Variants in MYO3B observed in about 807,000 individuals in gnomAD.
MYO3B encodes the protein myosin IIIB.
MYO3B carries 156 observed loss-of-function variants against 174.6 expected under a neutral mutation model. The ratio of observed to expected loss-of-function variants is 0.89; its 90% CI spans 0.78 to 1.02. The LOEUF (loss-of-function observed/expected upper bound fraction) is 1.02, where lower values mean the gene tolerates loss of function less well. MYO3B is among the 50% of genes least tolerant of loss of function. The probability of loss-of-function intolerance (pLI) is 0.00; values close to 1 mark genes in which losing one functional copy is unlikely to be tolerated. For synonymous variants in MYO3B, 563 were observed against 569.1 expected (o/e 0.99, Z 0.15); for missense variants, 1,632 against 1,639.4 (o/e 1.00, Z 0.08).
intron 7 of MYO3B, among the ~76,000 whole-genome samples, chr2:170,288,087 A>G (rs898363064): frequency 2.6e-5 from 4 of 151,950 alleles, no homozygotes; most frequent in African/African-American, 9.7e-5. Context: ...CTATGTGTCC[A>G]TTTTTATGCC....
intron 32 of MYO3B, among the ~76,000 whole-genome samples, chr2:170,547,418 A>G (rs1401011192): frequency 6.6e-6 from 1 of 152,160 alleles, no homozygotes; most frequent in Non-Finnish European, 1.5e-5. Flanking sequence ...ATACCCGGGA[A>G]GTGCATAATT....
At chr2:170,563,518 T>C (rs1414763150) in intron 32 of MYO3B, among the ~76,000 whole-genome samples, 4 of 152,224 alleles carry the variant, frequency 2.6e-5, no homozygotes, top group Non-Finnish European at 5.9e-5. Flanking sequence ...TCTGATTTCC[T>C]GATAGGGCTC....
intron 22 of MYO3B, among the ~76,000 whole-genome samples, chr2:170,412,799 T>C (rs1029925588): frequency 3.9e-5 from 6 of 152,164 alleles, no homozygotes; most frequent in Non-Finnish European, 8.8e-5. Context: ...ATTGACAAAA[T>C]TTCAGGGCCA....
intron 32 of MYO3B, chr2:170,646,988 C>T: frequency 3.4e-6 from 4 of 1,179,362 alleles, no homozygotes; most frequent in Non-Finnish European, 4.6e-6. Flanking sequence ...TTCCTTTCAT[C>T]TTAGTTTTGT....
At chr2:170,433,918 C>A (rs2094730603) in intron 22 of MYO3B, among the ~76,000 whole-genome samples, 1 of 152,180 alleles carries the variant, frequency 6.6e-6, no homozygotes. Context: ...TAGGTCATGT[C>A]CAAGTGGGCT....
At chr2:170,545,812 T>G (rs1271341422) in intron 32 of MYO3B, among the ~76,000 whole-genome samples, 1 of 152,208 alleles carries the variant, frequency 6.6e-6, no homozygotes, top group Admixed American at 6.5e-5. Flanking sequence ...AACAGCATCC[T>G]AAGTATTTTT....
intron 7 of MYO3B, among the ~76,000 whole-genome samples, chr2:170,268,667 GA>G (rs2093402481): frequency 1.3e-5 from 2 of 151,922 alleles, no homozygotes; most frequent in Admixed American, 1.3e-4. Context: ...TGTCTAGTTG[GA>G]AAAACACATA....
chr2:170,284,744 T>A (rs2093541315), intron 7 of MYO3B, among the ~76,000 whole-genome samples: 2 of 152,182 alleles, frequency 1.3e-5, no homozygotes, highest in African/African-American at 4.8e-5. Flanking sequence ...ATTTGCACAT[T>A]TGCTTAAATT....
At chr2:170,537,052 T>C (rs1053772427) in intron 30 of MYO3B, among the ~76,000 whole-genome samples, 4 of 151,862 alleles carry the variant, frequency 2.6e-5, no homozygotes, top group African/African-American at 9.7e-5. Context: ...ATACAAAAAA[T>C]TAGCCGGGCG....
intron 7 of MYO3B, among the ~76,000 whole-genome samples, chr2:170,269,058 A>C (rs1559347981): frequency 6.6e-6 from 1 of 152,164 alleles, no homozygotes; most frequent in Non-Finnish European, 1.5e-5. Flanking sequence ...GTTCTGCCCG[A>C]GTGACGGTAA....
intron 7 of MYO3B, among the ~76,000 whole-genome samples, chr2:170,308,127 A>ACTGAT (rs2093713130): frequency 6.6e-6 from 1 of 152,234 alleles, no homozygotes; most frequent in Non-Finnish European, 1.5e-5. Context: ...ATTTGAATGT[A>ACTGAT]CTGATCTATT....
At chr2:170,622,823 T>A (rs1402129095) in intron 32 of MYO3B, among the ~76,000 whole-genome samples, 1 of 146,940 alleles carries the variant, frequency 6.8e-6, no homozygotes, top group Non-Finnish European at 1.5e-5. Context: ...ACATGCGGTG[T>A]TTGGTTTTTT....
intron 23 of MYO3B, among the ~76,000 whole-genome samples, chr2:170,448,141 C>A (rs1052471141): frequency 6.6e-6 from 1 of 152,138 alleles, no homozygotes; most frequent in Admixed American, 6.5e-5. Context: ...CAAAGGCAGT[C>A]TAGTCCCCAG....
In MYO3B at chr2:170,653,751, T is replaced by G. The variant is rs1699144036; in HGVS notation, c.*630T>G. 1 of 152,218 alleles carries G rather than the reference T, an allele frequency of 6.6e-6. No individual in the cohort carries two copies. The highest frequency in any genetic ancestry group is 1.5e-5 in the Non-Finnish European group (1 of 68,050). 9.4% of individuals were successfully genotyped at this position (152,218 alleles called of 1,614,324 possible). A position where few individuals can be genotyped will look rare whatever the true frequency, so the allele number is the denominator to read the frequency against. On this transcript the variant is annotated 3_prime_UTR_variant, in exon 35 of 35. Coordinates refer to ENST00000408978, the MANE Select transcript of MYO3B (RefSeq NM_138995.5). ...GGCAAATAACCCCTCTCTTGTTAAT[T>G]ATGATGCTGAGAAAGCCTCTGTCTC...
chr2:170,562,731 A>C (rs1396595960), intron 32 of MYO3B, among the ~76,000 whole-genome samples: 1 of 152,208 alleles, frequency 6.6e-6, no homozygotes, highest in East Asian at 1.9e-4. Context: ...TGTCCATTTA[A>C]GAAAGTATTT....
chr2:170,355,917 A>C (rs937167013), intron 8 of MYO3B, among the ~76,000 whole-genome samples: 1 of 151,794 alleles, frequency 6.6e-6, no homozygotes, highest in African/African-American at 2.4e-5. Flanking sequence ...TTACTAGATG[A>C]TGTAAGGCAT....
chr2:170,477,265 TC>T (rs1386406681), intron 25 of MYO3B, among the ~76,000 whole-genome samples: 1 of 152,130 alleles, frequency 6.6e-6, no homozygotes, highest in Non-Finnish European at 1.5e-5. Flanking sequence ...CATCTTTCAA[TC>T]CCCAGTCCAG....
At chr2:170,623,371 C>T (rs1355993808) in intron 32 of MYO3B, among the ~76,000 whole-genome samples, 3 of 152,156 alleles carry the variant, frequency 2.0e-5, no homozygotes, top group Non-Finnish European at 4.4e-5. Context: ...TAAATGTCTT[C>T]TTTTGAAAAG....
chr2:170,200,892 T>A (rs1405523887), intron 3 of MYO3B, among the ~76,000 whole-genome samples: 5 of 152,130 alleles, frequency 3.3e-5, no homozygotes, highest in Non-Finnish European at 7.4e-5. Flanking sequence ...CTGAATTGTA[T>A]CTCCACATCA....
Sources: gnomAD v4.1 joint callset for allele counts (sites outside exome capture counted in the v4.1 genomes callset) on GRCh38, gnomAD v4.1.1 for gene constraint, MANE v1.5 for transcripts, NCBI Gene and HGNC (gene_info 2026-07-23, HGNC 2026-07-21) for gene names.